Variants in KCNH8 observed in about 807,000 individuals in gnomAD.
The protein encoded by KCNH8 is voltage-gated delayed rectifier potassium channel KCNH8.
Under a neutral mutation model 103.6 loss-of-function variants are expected in KCNH8, and 70 were observed. The ratio of observed to expected loss-of-function variants is 0.68; its 90% confidence interval spans 0.56 to 0.82. The LOEUF (loss-of-function observed/expected upper bound fraction) is 0.82. Among genes scored for constraint, KCNH8 ranks in the 40% least tolerant of loss-of-function variants. The probability of loss-of-function intolerance (pLI) is 0.00; values close to 1 mark genes in which losing one functional copy is unlikely to be tolerated. For synonymous variants in KCNH8, 498 were observed against 489.4 expected (o/e 1.02, Z -0.23); for missense variants, 1,217 against 1,329.9 (o/e 0.92, Z 1.32).
chr3:19,252,452 C>T (rs751220308), intron 1 of KCNH8, among the ~76,000 whole-genome samples: 7 of 151,284 alleles, frequency 4.6e-5, no homozygotes, highest in Non-Finnish European at 8.8e-5. Context: ...TGCAGTGGTG[C>T]GATCTTGACT....
chr3:19,400,752 C>T lies in KCNH8; in HGVS notation c.1177+5441C>T, dbSNP rs1044600204. 5.9e-4 allele frequency among the ~76,000 whole-genome samples: 90 copies of T among 151,784 alleles called. 1 individual carries two copies. The highest frequency in any genetic ancestry group is 8.8e-5 in the Non-Finnish European group (6 of 67,888). ...CTCGTTGGATAAAACCTCATAAATG[C>T]TGATTGATTTGAACGGCTCTCTAGT... On this transcript the variant is annotated intron_variant, in intron 7 of 15. Coordinates refer to ENST00000328405, the MANE Select transcript of KCNH8 (RefSeq NM_144633.3).
intron 10 of KCNH8, among the ~76,000 whole-genome samples, chr3:19,454,382 G>A (rs1206769846): frequency 6.6e-6 from 1 of 151,944 alleles, no homozygotes; most frequent in Non-Finnish European, 1.5e-5. Flanking sequence ...ACCACTAAAC[G>A]TTTTATAGCC....
At chr3:19,206,628 A>G (rs758590566) in intron 1 of KCNH8, among the ~76,000 whole-genome samples, 5 of 151,976 alleles carry the variant, frequency 3.3e-5, no homozygotes, top group Non-Finnish European at 7.4e-5. Context: ...CCTGTACCTT[A>G]TAGGATTTTG....
intron 1 of KCNH8, among the ~76,000 whole-genome samples, chr3:19,191,094 T>C (rs975253081): frequency 2.0e-5 from 3 of 151,908 alleles, no homozygotes; most frequent in Admixed American, 6.6e-5. Context: ...ATCTTGAAAC[T>C]TTCACAGAAA....
intron 1 of KCNH8, among the ~76,000 whole-genome samples, chr3:19,243,168 C>A (rs925116018): frequency 6.6e-6 from 1 of 152,148 alleles, no homozygotes; most frequent in Non-Finnish European, 1.5e-5. Flanking sequence ...TGCTTTATTT[C>A]AGCCTAATTT....
At chr3:19,158,845 C>G (rs918774895) in intron 1 of KCNH8, among the ~76,000 whole-genome samples, 3 of 151,822 alleles carry the variant, frequency 2.0e-5, no homozygotes, top group Non-Finnish European at 4.4e-5. Flanking sequence ...TAATACTGGT[C>G]TTAAATAATA....
At position 19,533,837 on chromosome 3, in the gene KCNH8, C is replaced by T. The variant is rs138146037; in HGVS notation, c.3062C>T (p.Thr1021Met). 1.0e-4 allele frequency: 163 copies of T among 1,614,170 alleles called. 1 individual carries two copies. In the East Asian group the frequency reaches 1.5e-3, roughly 15 times the overall value. The change falls in exon 16 of 16, where the codon ACG becomes ATG. Residue 1021 changes from threonine to methionine, a missense_variant. Physicochemically the swap from Thr to Met is moderately conservative, Grantham distance 81. This residue lies in a region of KCNH8 where 558 missense variants were observed against 495.8 expected (regional missense o/e 1.13). Coordinates refer to ENST00000328405, the MANE Select transcript of KCNH8 (RefSeq NM_144633.3). ...CISPHSDSTL[T>M]PLQSISATLS... Reference sequence around the variant, plus strand: ...TCTCCACATTCAGATTCTACGTTGACGCCTCTGCAGTCCATTTCAGCAACT... The same window carrying T: ...TCTCCACATTCAGATTCTACGTTGATGCCTCTGCAGTCCATTTCAGCAACT...
At chr3:19,336,489 G>C (rs904324179) in intron 3 of KCNH8, among the ~76,000 whole-genome samples, 2 of 151,506 alleles carry the variant, frequency 1.3e-5, no homozygotes, top group Admixed American at 6.6e-5. Context: ...TTCTTTCTTT[G>C]GTAGATACCA....
intron 5 of KCNH8, among the ~76,000 whole-genome samples, chr3:19,368,865 TTTAC>T (rs1440345992): frequency 6.7e-4 from 102 of 151,986 alleles, no homozygotes; most frequent in African/African-American, 2.4e-3. Context: ...AAAAATTTAT[TTTAC>T]TTTATAGCCA....
chr3:19,329,332 T>C (rs1225381588), intron 3 of KCNH8, among the ~76,000 whole-genome samples: 1 of 152,228 alleles, frequency 6.6e-6, no homozygotes, highest in Non-Finnish European at 1.5e-5. Flanking sequence ...ACTATAACTT[T>C]ATCTTTGCTT....
intron 5 of KCNH8, among the ~76,000 whole-genome samples, chr3:19,355,750 A>G (rs1478539626): frequency 1.3e-5 from 2 of 151,996 alleles, no homozygotes; most frequent in Non-Finnish European, 2.9e-5. Flanking sequence ...GGGTTAGGTG[A>G]GAGGGATAGC....
intron 4 of KCNH8, among the ~76,000 whole-genome samples, chr3:19,344,233 A>G (rs1333661749): frequency 1.3e-5 from 2 of 152,100 alleles, no homozygotes; most frequent in Non-Finnish European, 2.9e-5. Context: ...CAAATCAACC[A>G]GCAAAGCACC....
intron 1 of KCNH8, among the ~76,000 whole-genome samples, chr3:19,246,969 C>T (rs1462039831): frequency 5.3e-5 from 8 of 152,284 alleles, no homozygotes; most frequent in African/African-American, 9.6e-5. Flanking sequence ...TAAACAGATG[C>T]GGTTTTCTGC....
At chr3:19,211,638 C>G (rs1286794122) in intron 1 of KCNH8, among the ~76,000 whole-genome samples, 1 of 152,128 alleles carries the variant, frequency 6.6e-6, no homozygotes, top group East Asian at 1.9e-4. Flanking sequence ...TACTTGCTAG[C>G]TAGCCAGTTC....
chr3:19,520,428 C>T (rs1346100222), intron 15 of KCNH8, among the ~76,000 whole-genome samples: 2 of 151,690 alleles, frequency 1.3e-5, no homozygotes, highest in African/African-American at 2.4e-5. Context: ...CAGTTTTGAC[C>T]CTTTGGATAG....
At chr3:19,228,139 T>C (rs2063953224) in intron 1 of KCNH8, among the ~76,000 whole-genome samples, 1 of 152,196 alleles carries the variant, frequency 6.6e-6, no homozygotes, top group Non-Finnish European at 1.5e-5. Context: ...GGGCCCTACC[T>C]GTCTCACCTC....
chr3:19,507,306 G>A (rs893556153), intron 11 of KCNH8, among the ~76,000 whole-genome samples: 2 of 152,152 alleles, frequency 1.3e-5, no homozygotes, highest in Non-Finnish European at 2.9e-5. Context: ...ATTGCCTCTG[G>A]GAGCCCCCAC....
intron 11 of KCNH8, among the ~76,000 whole-genome samples, chr3:19,484,569 G>A (rs2068164356): frequency 2.0e-5 from 3 of 152,168 alleles, no homozygotes; most frequent in African/African-American, 7.2e-5. Context: ...GCTCGGTTTT[G>A]TCTCCTAGTT....
intron 5 of KCNH8, among the ~76,000 whole-genome samples, chr3:19,372,821 AG>A (rs1559497110): frequency 6.6e-6 from 1 of 152,194 alleles, no homozygotes; most frequent in Admixed American, 6.5e-5. Flanking sequence ...TTTAGCATGA[AG>A]GGTTGTTGAA....
Sources: gnomAD v4.1 joint callset for allele counts (sites outside exome capture counted in the v4.1 genomes callset) on GRCh38, gnomAD v4.1.1 for gene constraint, gnomAD v4.1.1 regional missense constraint, MANE v1.5 for transcripts, NCBI Gene and HGNC (gene_info 2026-07-23, HGNC 2026-07-21) for gene names.